STARD13: variants seen among roughly 807,000 people sequenced by gnomAD.
STARD13 encodes the protein StAR related lipid transfer domain containing 13.
In STARD13, 62 loss-of-function variants were observed where a neutral mutation model predicts 106.4. That is an observed-to-expected ratio of 0.58 (90% CI 0.48 to 0.72). The LOEUF (loss-of-function observed/expected upper bound fraction) is 0.72, where lower values mean the gene tolerates loss of function less well. Ranked by LOEUF, STARD13 falls within the 30% of genes least tolerant of loss-of-function variation. The probability of loss-of-function intolerance (pLI) is 0.00; values close to 1 mark genes in which losing one functional copy is unlikely to be tolerated. For synonymous variants in STARD13, 565 were observed against 553.0 expected, an observed-to-expected ratio of 1.02 and a Z score of -0.31; for missense variants, 1,387 against 1,424.0, an observed-to-expected ratio of 0.97 and a Z score of 0.42.
chr13:33,583,750 T>G, the STARD13 span, among the ~76,000 whole-genome samples: 1 of 152,186 alleles, frequency 6.6e-6, no homozygotes, highest in African/African-American at 2.4e-5. Context: ...CATGCCACTG[T>G]ACCCAAACAG....
the STARD13 span, among the ~76,000 whole-genome samples, chr13:33,380,543 A>C: frequency 7.8e-6 from 1 of 128,494 alleles, no homozygotes; most frequent in African/African-American, 3.0e-5. Flanking sequence ...GTGCTTTCTT[A>C]GGTAAGACTG....
At chr13:33,117,859 G>C (rs991592917) in intron 8 of STARD13, 4 of 985,120 alleles carry the variant, frequency 4.1e-6, no homozygotes, top group East Asian at 1.1e-4. Flanking sequence ...ATGTCAAAAA[G>C]GTATTTTCAA....
At chr13:33,650,164 AT>A in the STARD13 span, among the ~76,000 whole-genome samples, 6 of 48,374 alleles carry the variant, frequency 1.2e-4, no homozygotes, top group African/African-American at 1.6e-4. Flanking sequence ...CGTGACTCCA[AT>A]TTTTTTTTTT....
At chr13:33,636,179 G>A in the STARD13 span, among the ~76,000 whole-genome samples, 2 of 148,206 alleles carry the variant, frequency 1.3e-5, no homozygotes, top group African/African-American at 5.0e-5. Flanking sequence ...GCAGAACTTA[G>A]CAGAGATCAT....
At chr13:33,572,620 A>G in the STARD13 span, among the ~76,000 whole-genome samples, 1 of 152,130 alleles carries the variant, frequency 6.6e-6, no homozygotes, top group Non-Finnish European at 1.5e-5. Context: ...TATTTTTTCA[A>G]ATATCTTTTA....
At chr13:33,258,386 G>T (rs1204776675) in intron 1 of STARD13, among the ~76,000 whole-genome samples, 1 of 151,990 alleles carries the variant, frequency 6.6e-6, no homozygotes, top group Admixed American at 6.6e-5. Flanking sequence ...GTTTCAACTG[G>T]ATTTCGATTC....
intron 1 of STARD13, among the ~76,000 whole-genome samples, chr13:33,259,269 T>C (rs1294584396): frequency 6.6e-6 from 1 of 152,244 alleles, no homozygotes. Context: ...ACTTGTGAGA[T>C]TGTTACAGTC....
chr13:33,562,713 G>T, the STARD13 span, among the ~76,000 whole-genome samples: 26 of 146,318 alleles, frequency 1.8e-4, 3 homozygotes, highest in East Asian at 4.8e-3. Context: ...GGAAAAGAAC[G>T]ATCTTACCTA....
In STARD13 at chr13:33,296,318, G is replaced by A. The variant is rs115805795; in HGVS notation, c.124+53972C>T. ...TTAATTCCACTGCAGACATCATCAC[G>A]CAATGTATCTCTATCTCAAATCATC... On this transcript the variant is annotated intron_variant, in intron 1 of 5. Coordinates refer to the STARD13 transcript ENST00000567873. Among the ~76,000 whole-genome samples, 939 of 152,008 alleles carry A rather than the reference G, an allele frequency of 6.2e-3. 6 individuals are homozygous for A. Among genetic ancestry groups the A allele is most frequent in the African/African-American group, 0.02 (837 of 41,440 alleles).
chr13:33,474,356 G>A, the STARD13 span, among the ~76,000 whole-genome samples: 2 of 152,038 alleles, frequency 1.3e-5, no homozygotes, highest in Admixed American at 1.3e-4. Flanking sequence ...ATTACGTATT[G>A]GAGCAAACAG....
intron 1 of STARD13, among the ~76,000 whole-genome samples, chr13:33,319,524 T>C (rs1893474346): frequency 6.6e-6 from 1 of 152,186 alleles, no homozygotes; most frequent in Admixed American, 6.5e-5. Flanking sequence ...AAGGGTGTAT[T>C]TTATGTGAAT....
chr13:33,621,380 A>T, the STARD13 span, among the ~76,000 whole-genome samples: 1 of 152,110 alleles, frequency 6.6e-6, no homozygotes, highest in South Asian at 2.1e-4. Flanking sequence ...AAAACACTAA[A>T]AAAAATTTAA....
At position 33,129,685 on chromosome 13, in the gene STARD13, C is replaced by T. The variant is rs1364875311; in HGVS notation, c.992G>A (p.Gly331Asp). 1 of 1,614,066 alleles carries T rather than the reference C, an allele frequency of 6.2e-7. No homozygotes were observed. The highest frequency in any genetic ancestry group is 1.7e-5 in the Admixed American group (1 of 60,024). ...KGLPCSGKSS[G>D]ESSPSEHSSS... ...GCTGTGCTCCGACGGGCTGCTCTCG[C>T]CACTCGACTTGCCAGAGCATGGGAG... Residue 331 changes from glycine (G) to aspartate (D), a missense_variant, in exon 5 of 14, where the codon GGC becomes GAC. Gly to Asp is a moderately conservative substitution (Grantham distance 94). Coordinates refer to ENST00000336934, the MANE Select transcript of STARD13 (RefSeq NM_178006.4).
intron 1 of STARD13, among the ~76,000 whole-genome samples, chr13:33,297,764 T>C (rs1892554014): frequency 6.6e-6 from 1 of 152,176 alleles, no homozygotes; most frequent in African/African-American, 2.4e-5. Flanking sequence ...TAACCAATGA[T>C]ATATGATACG....
At chr13:33,409,921 G>A in the STARD13 span, among the ~76,000 whole-genome samples, 3 of 152,212 alleles carry the variant, frequency 2.0e-5, no homozygotes, top group African/African-American at 7.2e-5. Context: ...AGCCTTTACA[G>A]TCACAGCTTT....
intron 1 of STARD13, among the ~76,000 whole-genome samples, chr13:33,174,353 C>T (rs139394031): frequency 6.6e-6 from 1 of 152,126 alleles, no homozygotes; most frequent in Non-Finnish European, 1.5e-5. Flanking sequence ...CCTGCCCTTT[C>T]CAGCTGCCAT....
chr13:33,344,330 C>G (rs370464809), downstream of STARD13, among the ~76,000 whole-genome samples: 1 of 152,022 alleles, frequency 6.6e-6, no homozygotes, highest in Non-Finnish European at 1.5e-5. Context: ...TAAATAGCAT[C>G]TAAACGTAGT....
At chr13:33,589,214 G>T in the STARD13 span, among the ~76,000 whole-genome samples, 2 of 151,938 alleles carry the variant, frequency 1.3e-5, no homozygotes, top group African/African-American at 2.4e-5. Flanking sequence ...CTTGCTAGTG[G>T]TCTATCAATT....
chr13:33,365,403 G>C, the STARD13 span, among the ~76,000 whole-genome samples: 1 of 152,176 alleles, frequency 6.6e-6, no homozygotes, highest in African/African-American at 2.4e-5. Context: ...GTACACAGCT[G>C]GTGCCTCTGC....
Sources: allele counts gnomAD v4.1 joint callset (sites outside exome capture counted in the v4.1 genomes callset), GRCh38; gene constraint gnomAD v4.1.1; transcripts MANE v1.5; gene names NCBI Gene and HGNC (gene_info 2026-07-23, HGNC 2026-07-21).